FGF14: variants seen among roughly 807,000 people sequenced by gnomAD.
The protein encoded by FGF14 is fibroblast growth factor homologous factor 4.
A neutral mutation model predicts 25.5 loss-of-function variants in FGF14; 5 were observed. The observed-to-expected ratio is 0.20, with a 90% CI of 0.10 to 0.41. FGF14 has a LOEUF of 0.41. Among genes scored for constraint, FGF14 ranks in the 10% least tolerant of loss-of-function variants. The probability of loss-of-function intolerance (pLI) is 1.00; values close to 1 mark genes in which losing one functional copy is unlikely to be tolerated. For synonymous variants in FGF14, 138 were observed against 118.3 expected (o/e 1.17, Z -1.08); for missense variants, 222 against 320.1 (o/e 0.69, Z 2.34).
intron 1 of FGF14, among the ~76,000 whole-genome samples, chr13:102,021,718 G>T (rs998532040): frequency 6.6e-5 from 10 of 152,136 alleles, no homozygotes; most frequent in African/African-American, 2.4e-4. Context: ...CCACAGATGA[G>T]ATAATTTATA....
At chr13:102,159,278 A>C in intron 1 of FGF14, among the ~76,000 whole-genome samples, 1 of 152,200 alleles carries the variant, frequency 6.6e-6, no homozygotes, top group East Asian at 1.9e-4. Flanking sequence ...TTATAAAGGA[A>C]AAAGGAAGGC....
chr13:101,772,873 G>A (rs1047960482), intron 3 of FGF14, among the ~76,000 whole-genome samples: 1 of 152,080 alleles, frequency 6.6e-6, no homozygotes, highest in African/African-American at 2.4e-5. Context: ...AGGACTCACC[G>A]AAGACTCCAA....
At chr13:101,959,959 G>A (rs1056447747) in intron 1 of FGF14, among the ~76,000 whole-genome samples, 8 of 152,256 alleles carry the variant, frequency 5.3e-5, no homozygotes, top group African/African-American at 1.9e-4. Flanking sequence ...TTTGAGAGGT[G>A]TCTGTAAATT....
At chr13:101,845,581 A>G (rs972206729) in intron 3 of FGF14, among the ~76,000 whole-genome samples, 3 of 152,062 alleles carry the variant, frequency 2.0e-5, no homozygotes, top group Non-Finnish European at 4.4e-5. Flanking sequence ...GCTGAGAGAG[A>G]CAGAAACAAT....
intron 1 of FGF14, among the ~76,000 whole-genome samples, chr13:102,394,129 G>A (rs1198877112): frequency 6.6e-6 from 1 of 152,352 alleles, no homozygotes; most frequent in East Asian, 1.9e-4. Context: ...TAGTGTGTAA[G>A]CTGAGACCAG....
At chr13:102,197,607 A>T (rs1234058446) in intron 1 of FGF14, among the ~76,000 whole-genome samples, 1 of 151,810 alleles carries the variant, frequency 6.6e-6, no homozygotes, top group African/African-American at 2.4e-5. Context: ...ATAATTATAT[A>T]TTTATACATA....
At chr13:101,777,658 T>A (rs1393506878) in intron 3 of FGF14, among the ~76,000 whole-genome samples, 3 of 152,162 alleles carry the variant, frequency 2.0e-5, no homozygotes, top group Non-Finnish European at 4.4e-5. Flanking sequence ...AAGTTTTGAA[T>A]CTAAAATAAC....
chr13:102,048,850 A>G (rs1595105928), intron 1 of FGF14, among the ~76,000 whole-genome samples: 1 of 152,174 alleles, frequency 6.6e-6, no homozygotes, highest in South Asian at 2.1e-4. Flanking sequence ...TATGGAGAAA[A>G]AGAGGATTCT....
intron 1 of FGF14, among the ~76,000 whole-genome samples, chr13:102,278,756 T>A (rs1255997488): frequency 1.3e-5 from 2 of 152,050 alleles, no homozygotes; most frequent in Non-Finnish European, 2.9e-5. Context: ...CATTTTAAGA[T>A]AAATGACTGA....
chr13:101,821,366 T>C (rs1166753043), intron 3 of FGF14, among the ~76,000 whole-genome samples: 1 of 152,210 alleles, frequency 6.6e-6, no homozygotes, highest in Non-Finnish European at 1.5e-5. Flanking sequence ...CTTGTGTGTA[T>C]CAATAGTGTG....
At chr13:102,220,267 G>C (rs1036758407) in intron 1 of FGF14, among the ~76,000 whole-genome samples, 1 of 151,992 alleles carries the variant, frequency 6.6e-6, no homozygotes. Flanking sequence ...AAAAATATGT[G>C]ATTATATTTT....
chr13:101,863,194 G>C (rs1015247458), intron 3 of FGF14, among the ~76,000 whole-genome samples: 4 of 152,084 alleles, frequency 2.6e-5, no homozygotes, highest in African/African-American at 9.7e-5. Flanking sequence ...AAACCAACCT[G>C]TTCAGAGAGA....
chr13:101,812,626 TATATATATATATATA>T (rs2041589661), intron 3 of FGF14, among the ~76,000 whole-genome samples: 2 of 9,866 alleles, frequency 2.0e-4, no homozygotes, highest in Non-Finnish European at 5.3e-4. Context: ...TATATATATA[TATATATATATATATA>T]TATATATATA....
intron 1 of FGF14, among the ~76,000 whole-genome samples, chr13:102,183,373 G>C (rs530982695): frequency 6.6e-6 from 1 of 152,124 alleles, no homozygotes; most frequent in African/African-American, 2.4e-5. Context: ...AGAATGGAAA[G>C]TTAAGAGAGC....
intron 1 of FGF14, among the ~76,000 whole-genome samples, chr13:102,041,408 CAT>C (rs1311190018): frequency 6.6e-6 from 1 of 151,510 alleles, no homozygotes. Flanking sequence ...CAAGCTGATA[CAT>C]ATATGTTTTA....
At chr13:102,149,252 G>T (rs933165917) in intron 1 of FGF14, among the ~76,000 whole-genome samples, 9 of 152,082 alleles carry the variant, frequency 5.9e-5, no homozygotes, top group South Asian at 2.1e-4. Flanking sequence ...AACACTCATT[G>T]ATATAAAATG....
intron 1 of FGF14, among the ~76,000 whole-genome samples, chr13:102,318,341 C>G (rs1279466282): frequency 1.3e-5 from 2 of 152,170 alleles, no homozygotes; most frequent in Non-Finnish European, 2.9e-5. Flanking sequence ...CCTACCCAAA[C>G]TGGGCACTCA....
chr13:102,385,971 A>G (rs2058291920), intron 1 of FGF14, among the ~76,000 whole-genome samples: 1 of 152,164 alleles, frequency 6.6e-6, no homozygotes, highest in Non-Finnish European at 1.5e-5. Flanking sequence ...GGAAATAAAT[A>G]TGATGTGTTT....
At chr13:102,229,919 G>C (rs1190343159) in intron 1 of FGF14, among the ~76,000 whole-genome samples, 2 of 152,152 alleles carry the variant, frequency 1.3e-5, no homozygotes, top group African/African-American at 4.8e-5. Context: ...ACAGCCTTCT[G>C]TTATTCAATT....
Sources: allele counts gnomAD v4.1 joint callset (sites outside exome capture counted in the v4.1 genomes callset), GRCh38; gene constraint gnomAD v4.1.1; transcripts MANE v1.5; gene names NCBI Gene and HGNC (gene_info 2026-07-23, HGNC 2026-07-21).